PGAP4: variants seen among roughly 807,000 people sequenced by gnomAD.
The protein encoded by PGAP4 is post-GPI attachment to proteins GalNAc transferase 4.
PGAP4 carries 12 observed loss-of-function variants against 28.2 expected under a neutral mutation model. That is an observed-to-expected ratio of 0.42 (90% CI 0.27 to 0.69). PGAP4 has a LOEUF of 0.69. PGAP4 is among the 30% of genes least tolerant of loss of function. PGAP4 has a pLI of 0.22. For missense variants in PGAP4, 425 were observed against 513.5 expected (o/e 0.83, Z 1.67); for synonymous variants, 205 against 211.8 (o/e 0.97, Z 0.28).
intron 2 of PGAP4, among the ~76,000 whole-genome samples, chr9:101,519,440 T>C (rs1179176952): frequency 6.6e-6 from 1 of 152,186 alleles, no homozygotes; most frequent in Non-Finnish European, 1.5e-5. Context: ...ATTACAGGCA[T>C]GTGCCACCAT....
chr9:101,487,760 T>C (rs1469005080), upstream of PGAP4, among the ~76,000 whole-genome samples: 2 of 152,234 alleles, frequency 1.3e-5, no homozygotes, highest in Non-Finnish European at 2.9e-5. Flanking sequence ...AGAATGTTTT[T>C]TGCAATATTT....
At chr9:101,531,975 C>A (rs543814156) in intron 1 of PGAP4, among the ~76,000 whole-genome samples, 1 of 152,236 alleles carries the variant, frequency 6.6e-6, no homozygotes, top group East Asian at 1.9e-4. Context: ...CCACGCCAAG[C>A]GTGGTGGCTC....
At position 101,475,861 on chromosome 9, in the gene PGAP4, G is replaced by A. The variant is rs1588190128; in HGVS notation, c.*20C>T. ...AATCTTCAAGAAGTGGCCAACTTCA[G>A]AAAGGCATCTCTTGGCACCCTAGAG... On this transcript the variant is annotated 3_prime_UTR_variant, in exon 2 of 2. Transcript: ENST00000374848. 6.3e-7 allele frequency: 1 copy of A among 1,597,252 alleles called. No homozygotes were observed. Among genetic ancestry groups the A allele is most frequent in the Non-Finnish European group, 8.5e-7 (1 of 1,172,810 alleles).
In PGAP4 at chr9:101,486,716, C is replaced by A. The variant is rs1826623929; in HGVS notation, c.-78+233G>T. Among the ~76,000 whole-genome samples, 2 of 152,122 alleles carry A rather than the reference C, an allele frequency of 1.3e-5. No individual in the cohort carries two copies. The highest frequency in any genetic ancestry group is 4.8e-5 in the African/African-American group (2 of 41,446). On this transcript the variant is annotated intron_variant, in intron 1 of 1. Coordinates refer to ENST00000374848, the MANE Select transcript of PGAP4 (RefSeq NM_032342.3). The surrounding 1 kb of genome is among the most constrained non-coding windows in gnomAD (Gnocchi z 4.7). ...GCCCTGGGGACCCCTGCGGGGTCCT[C>A]GCAATCCTCCGGCAGGAAGCGGTCG...
chr9:101,512,531 T>G (rs1383007078), intron 2 of PGAP4, among the ~76,000 whole-genome samples: 1 of 152,214 alleles, frequency 6.6e-6, no homozygotes, highest in Non-Finnish European at 1.5e-5. Context: ...GCTGACTGAT[T>G]CATGAATCAC....
At chr9:101,517,420 G>A (rs1020014112) in intron 2 of PGAP4, among the ~76,000 whole-genome samples, 1 of 152,086 alleles carries the variant, frequency 6.6e-6, no homozygotes, top group Admixed American at 6.6e-5. Flanking sequence ...AGCTAATGGG[G>A]TGGGGGAGAA....
In PGAP4 at chr9:101,476,894, G is replaced by C. The variant is rs760478788; in HGVS notation, c.199C>G (p.Gln67Glu). Residue 67 changes from glutamine (Q) to glutamate (E), a missense_variant, in exon 2 of 2, where the codon CAG becomes GAG. Coordinates refer to ENST00000374848, the MANE Select transcript of PGAP4 (RefSeq NM_032342.3). This position sits in a 1 kb window ranked among gnomAD's most constrained non-coding sequence, Gnocchi z 7.0. ...HLNQMSQEFL[Q>E]QSLKEGEAAL... The stretch of plus-strand genomic sequence containing the variant: ...GCCTCACCCTCTTTCAAGCTTTGCT[G>C]CAGGAACTCTTGGCTCATTTGGTTC... 6.2e-7 allele frequency: 1 copy of C among 1,613,584 alleles called. No individual in the cohort carries two copies. Among genetic ancestry groups the C allele is most frequent in the Admixed American group, 1.7e-5 (1 of 59,998 alleles).
intron 1 of PGAP4, among the ~76,000 whole-genome samples, chr9:101,480,910 C>T (rs1312640955): frequency 2.0e-5 from 3 of 152,340 alleles, no homozygotes; most frequent in Middle Eastern, 6.8e-3. Context: ...GATGTGGTGC[C>T]TGAAGCCTGT....
rs1826793025 is a variant in PGAP4 at position 101,500,981 on chromosome 9, T to C, written c.-164-11781A>G. The stretch of plus-strand genomic sequence containing the variant: ...AAATTCTATTCCAGTGTATAGACTG[T>C]AAATTTCAAAAAATATACACAGCTA... On this transcript the variant is annotated intron_variant, in intron 2 of 3. Transcript: ENST00000374851. Among the ~76,000 whole-genome samples the C allele has an allele frequency of 2.0e-5, 3 of 152,080 alleles. No homozygotes were observed. The South Asian group carries it at 6.2e-4, about 31-fold the overall frequency.
intron 2 of PGAP4, among the ~76,000 whole-genome samples, chr9:101,526,694 C>T (rs1327916445): frequency 6.6e-6 from 1 of 152,166 alleles, no homozygotes; most frequent in Non-Finnish European, 1.5e-5. Context: ...GGTGATCCAC[C>T]CACCTTGACC....
rs1163135492 is a variant in PGAP4 at position 101,474,749 on chromosome 9, T to C, written c.*1132A>G. 1 of 152,218 alleles carries C rather than the reference T, an allele frequency of 6.6e-6. No individual in the cohort carries two copies. The highest frequency in any genetic ancestry group is 1.9e-4 in the East Asian group (1 of 5,196). The allele number at this position is 152,218 out of a possible 1,614,324, so 9.4% of individuals were successfully genotyped here. A position where few individuals can be genotyped will look rare whatever the true frequency, so the allele number is the denominator to read the frequency against. On this transcript the variant is annotated 3_prime_UTR_variant, in exon 2 of 2. Transcript: ENST00000374848. ...ATAAGCTTGAGTTGTATATGTTTAT[T>C]ATAGGAGAGAAAAGTTTGCCAAGCG... is the stretch of plus-strand genomic sequence containing the variant.
At chr9:101,484,429 G>A (rs1364640602) in intron 1 of PGAP4, among the ~76,000 whole-genome samples, 1 of 152,156 alleles carries the variant, frequency 6.6e-6, no homozygotes, top group Non-Finnish European at 1.5e-5. Context: ...TGACATAAAA[G>A]AAATCTTAGC....
rs1826616464 is a variant in PGAP4 at position 101,486,452 on chromosome 9, G to C, written c.-78+497C>G. ...ACCCAACACTGCTGCCGCGCTCTCGGCGCGCCCGGCGAACCTAAGGTGTGG... is the reference window on the plus strand; with the variant it reads ...ACCCAACACTGCTGCCGCGCTCTCGCCGCGCCCGGCGAACCTAAGGTGTGG... On this transcript the variant is annotated intron_variant, in intron 1 of 1. Transcript: ENST00000374848. The surrounding 1 kb of genome is among the most constrained non-coding windows in gnomAD (Gnocchi z 4.7). 6.6e-6 allele frequency among the ~76,000 whole-genome samples: 1 copy of C among 152,176 alleles called. No homozygotes were observed. Among genetic ancestry groups the C allele is most frequent in the Non-Finnish European group, 1.5e-5 (1 of 68,004 alleles).
chr9:101,496,627 A>G (rs1826752450), intron 2 of PGAP4, among the ~76,000 whole-genome samples: 1 of 151,386 alleles, frequency 6.6e-6, no homozygotes, highest in Non-Finnish European at 1.5e-5. Flanking sequence ...TTTTTAATGA[A>G]CTTTATTAGA....
At chr9:101,511,890 T>C (rs1213901498) in intron 2 of PGAP4, among the ~76,000 whole-genome samples, 2 of 152,158 alleles carry the variant, frequency 1.3e-5, no homozygotes, top group Non-Finnish European at 2.9e-5. Context: ...TGGGATAGTC[T>C]TCCTGGTGCA....
chr9:101,490,568 A>T (rs1826677856), upstream of PGAP4, among the ~76,000 whole-genome samples: 1 of 152,204 alleles, frequency 6.6e-6, no homozygotes, highest in Non-Finnish European at 1.5e-5. Flanking sequence ...ACTGATCAGG[A>T]CTATTGGATA....
At chr9:101,527,226 C>G (rs1827042518) in intron 2 of PGAP4, among the ~76,000 whole-genome samples, 2 of 152,190 alleles carry the variant, frequency 1.3e-5, no homozygotes, top group Non-Finnish European at 2.9e-5. Context: ...TCATAACTCT[C>G]TAGGTAACTG....
chr9:101,506,422 A>C (rs1826849256), intron 2 of PGAP4, among the ~76,000 whole-genome samples: 1 of 152,116 alleles, frequency 6.6e-6, no homozygotes, highest in Non-Finnish European at 1.5e-5. Context: ...CAAGTGACTC[A>C]AGGCCCTTTT....
intron 1 of PGAP4, among the ~76,000 whole-genome samples, chr9:101,485,598 T>C (rs1826595257): frequency 6.6e-6 from 1 of 152,166 alleles, no homozygotes; most frequent in South Asian, 2.1e-4. Flanking sequence ...AAAAGGCTAC[T>C]ACACAGAGGA....
Sources: gnomAD v4.1 joint callset for allele counts (sites outside exome capture counted in the v4.1 genomes callset) on GRCh38, gnomAD v4.1.1 for gene constraint, Gnocchi (gnomAD v3.1) non-coding constraint, MANE v1.5 for transcripts, NCBI Gene and HGNC (gene_info 2026-07-23, HGNC 2026-07-21) for gene names.